Variants in KREMEN2 observed in about 807,000 individuals in gnomAD.
KREMEN2 encodes kringle containing transmembrane protein 2.
Under a neutral mutation model 49.8 loss-of-function variants are expected in KREMEN2, and 43 were observed. The observed-to-expected ratio is 0.86, with a 90% CI of 0.68 to 1.11. KREMEN2 has a LOEUF of 1.11. KREMEN2 is among the 50% of genes most tolerant of loss of function. The pLI, the probability that KREMEN2 is intolerant of heterozygous loss-of-function variation, is 0.00. For missense variants in KREMEN2, 686 were observed against 665.7 expected (o/e 1.03, Z -0.34); for synonymous variants, 355 against 304.9 (o/e 1.16, Z -1.71).
chr16:2,967,332 C>A lies in KREMEN2; in HGVS notation c.986C>A (p.Ala329Asp), dbSNP rs893993106. The change falls in exon 7 of 9, where the codon GCC (alanine) becomes GAC (aspartate). Residue 329 changes from alanine (A) to aspartate (D), a missense_variant. By Grantham distance (126) the Ala-to-Asp change is moderately radical (BLOSUM62 -2). Coordinates refer to ENST00000303746, the MANE Select transcript of KREMEN2 (RefSeq NM_172229.3). ...FALTYRGLQD[A>D]AEDPEAPEGS... The stretch of plus-strand genomic sequence containing the variant: ...CCCCTCTCCGCAGGGCTGCAGGACG[C>A]CGCTGAGGACCCAGAGGCCCCCGAG... The A allele has an allele frequency of 4.2e-5, 59 of 1,403,920 alleles. No homozygotes were observed. Among genetic ancestry groups the A allele is most frequent in the Non-Finnish European group, 5.1e-5 (56 of 1,090,420 alleles). The allele number at this position is 1,403,920 out of a possible 1,614,324, so 87.0% of individuals were successfully genotyped here.
In KREMEN2 at chr16:2,966,302, G is replaced by A. The variant is rs746808071; in HGVS notation, c.362-23G>A. The stretch of plus-strand genomic sequence containing the variant: ...GAGGAGGGTTGTTTTCGGAGTCACG[G>A]AAGTCTGACTCTGCCCCCTCAGTGC... On this transcript the variant is annotated intron_variant, in intron 3 of 8. Transcript: ENST00000303746. The surrounding 1 kb of genome is among the most constrained non-coding windows in gnomAD (Gnocchi z 8.4). The A allele has an allele frequency of 1.2e-6, 2 of 1,612,948 alleles. No homozygotes were observed. Among genetic ancestry groups the A allele is most frequent in the Admixed American group, 1.7e-5 (1 of 60,028 alleles).
Position 2,966,882 on chromosome 16 carries a change from G to T in KREMEN2, c.641-28G>T. The T allele has an allele frequency of 6.4e-7, 1 of 1,554,788 alleles. No individual in the cohort carries two copies. The highest frequency in any genetic ancestry group is 8.7e-7 in the Non-Finnish European group (1 of 1,150,088). ...GGGAGCCGCCGTGTCCTGGTCCTCA[G>T]GATGCTGACTGCCGGCCCCGCCCGC... On this transcript the variant is annotated intron_variant, in intron 5 of 8. Transcript: ENST00000303746. The surrounding 1 kb of genome is among the most constrained non-coding windows in gnomAD (Gnocchi z 8.4).
chr16:2,965,043 G>A lies in KREMEN2; in HGVS notation c.269+10G>A. 1 of 1,524,194 alleles carries A rather than the reference G, an allele frequency of 6.6e-7. No individual in the cohort carries two copies. The highest frequency in any genetic ancestry group is 8.8e-7 in the Non-Finnish European group (1 of 1,139,492). The allele number at this position is 1,524,194 out of a possible 1,614,324, so 94.4% of individuals were successfully genotyped here. A position where few individuals can be genotyped will look rare whatever the true frequency, so the allele number is the denominator to read the frequency against. ...CGCACAACTTCTGCCGGTGAGGGGC[G>A]GGGCCTGCGCTGGGGGCGAGGCTGG... On this transcript the variant is annotated intron_variant, in intron 2 of 8. Coordinates refer to ENST00000303746, the MANE Select transcript of KREMEN2 (RefSeq NM_172229.3).
At chr16:2,964,757 G>A in intron 1 of KREMEN2, 102 bp from the exon 2 acceptor site, 1 of 1,452,238 alleles carries the variant, frequency 6.9e-7, no homozygotes, top group Non-Finnish European at 9.4e-7. Context: ...GCAGGGGCGG[G>A]TGCGGGGTCG....
Position 2,966,684 on chromosome 16 carries a change from G to T in KREMEN2, c.529G>T (p.Glu177Ter). 1 of 1,611,362 alleles carries T rather than the reference G, an allele frequency of 6.2e-7. No individual in the cohort carries two copies. Among genetic ancestry groups the T allele is most frequent in the South Asian group, 1.1e-5 (1 of 91,068 alleles). Residue 177 changes from glutamate (E) to a stop codon, truncating the protein, a stop_gained, in exon 5 of 9, where the codon GAA becomes TAA. Coordinates refer to ENST00000303746, the MANE Select transcript of KREMEN2 (RefSeq NM_172229.3). LOFTEE classifies it high-confidence loss of function. The surrounding 1 kb of genome is among the most constrained non-coding windows in gnomAD (Gnocchi z 8.4). The stretch of plus-strand genomic sequence containing the variant: ...CGGTTACGCCTGCTTCTGTGGCTCT[G>T]AAAGCGACCTGGCCCGGGGACGCCT... Reference protein sequence around the residue: ...EAGYACFCGSESDLARGRLAP... With the variant: ...EAGYACFCGS
In KREMEN2 at chr16:2,965,032, C is replaced by T; in HGVS notation, c.268C>T (p.Arg90Cys). The change falls in exon 2 of 9, where the codon CGT becomes TGT. Residue 90 changes from arginine (R) to cysteine (C), a missense_variant and splice_region_variant. Physicochemically the swap from Arg to Cys is radical, Grantham distance 180. Coordinates refer to ENST00000303746, the MANE Select transcript of KREMEN2 (RefSeq NM_172229.3). ...GGGGCTGGGCGCGCACAACTTCTGC[C>T]GGTGAGGGGCGGGGCCTGCGCTGGG... is the stretch of plus-strand genomic sequence containing the variant. ...RWGLGAHNFC[R>C]NPDGDVQPWC... is the part of the protein sequence containing the mutation. 6.5e-7 allele frequency: 1 copy of T among 1,533,628 alleles called. No individual in the cohort carries two copies. Among genetic ancestry groups the T allele is most frequent in the South Asian group, 1.2e-5 (1 of 82,822 alleles).
chr16:2,964,689 A>G, intron 1 of KREMEN2, 75 bp downstream of exon 1: 1 of 1,418,114 alleles, frequency 7.1e-7, no homozygotes, highest in Non-Finnish European at 9.6e-7. Context: ...CAGGCCCCCA[A>G]GGCTAGGGAG....
At position 2,964,587 on chromosome 16, in the gene KREMEN2, G is replaced by A. The variant is rs375938689; in HGVS notation, c.67G>A (p.Ala23Thr). The change falls in exon 1 of 9, where the codon GCC becomes ACC. Residue 23 changes from alanine (A) to threonine (T), a missense_variant. By Grantham distance (58) the Ala-to-Thr change is moderately conservative. Coordinates refer to ENST00000303746, the MANE Select transcript of KREMEN2 (RefSeq NM_172229.3). ...CCTCCCGCTGCTGCAGCCGCGTGGG[G>A]CCTCGGCTGGGAGCCTGCACAGTCC... Reference protein sequence around the residue: ...LFLPLLQPRGASAGSLHSPGL... With the variant: ...LFLPLLQPRGTSAGSLHSPGL... The A allele has an allele frequency of 1.9e-6, 3 of 1,607,996 alleles. No homozygotes were observed. The highest frequency in any genetic ancestry group is 2.7e-5 in the African/African-American group (2 of 74,376).
chr16:2,966,402 C>T lies in KREMEN2; in HGVS notation c.439C>T (p.Leu147Phe). ...CGGCCCCAGCGGCACCTCCACGAAG[C>T]TCACGGTCCAGGTGTGCCTACGCTT... ...LSGPSGTSTK[L>F]TVQVCLRFCR... Residue 147 changes from leucine to phenylalanine, a missense_variant, in exon 4 of 9, where the codon CTC (leucine) becomes TTC (phenylalanine). Transcript: ENST00000303746. The surrounding 1 kb of genome is among the most constrained non-coding windows in gnomAD (Gnocchi z 8.4). The T allele has an allele frequency of 6.2e-7, 1 of 1,611,358 alleles. No individual in the cohort carries two copies. Among genetic ancestry groups the T allele is most frequent in the African/African-American group, 1.3e-5 (1 of 74,992 alleles).
chr16:2,964,607 C>G lies in KREMEN2; in HGVS notation c.87C>G (p.His29Gln), dbSNP rs575910520. The G allele has an allele frequency of 1.9e-6, 3 of 1,603,934 alleles. No individual in the cohort carries two copies. The highest frequency in any genetic ancestry group is 1.7e-5 in the Admixed American group (1 of 58,008). The change falls in exon 1 of 9, where the codon CAC becomes CAG. Residue 29 changes from histidine to glutamine, a missense_variant. By Grantham distance (24) the His-to-Gln change is conservative. Coordinates refer to ENST00000303746, the MANE Select transcript of KREMEN2 (RefSeq NM_172229.3). ...GTGGGGCCTCGGCTGGGAGCCTGCA[C>G]AGTCCAGGTAAGTCCCCGCACGGCT... ...QPRGASAGSLHSPGLSECFQV... is the reference protein window; with the variant it reads ...QPRGASAGSLQSPGLSECFQV...
chr16:2,968,122 C>T lies in KREMEN2; in HGVS notation c.*102C>T. 5.5e-6 allele frequency: 7 copies of T among 1,267,692 alleles called. No homozygotes were observed. The highest frequency in any genetic ancestry group is 6.6e-6 in the Non-Finnish European group (6 of 905,700). 78.5% of individuals were successfully genotyped at this position (1,267,692 alleles called of 1,614,324 possible). On this transcript the variant is annotated 3_prime_UTR_variant, in exon 9 of 9. Transcript: ENST00000303746. ...GCCTTGCGCCTGTGTAGGGGCAGCT[C>T]GGCCTCTGGTCGCCTTGGGGAGACC...
At position 2,967,835 on chromosome 16, in the gene KREMEN2, G is replaced by A. The variant is rs1226182792; in HGVS notation, c.1204G>A (p.Gly402Arg). ...RRSCLLAPGK[G>R]PPALGASRGP... The stretch of plus-strand genomic sequence containing the variant: ...GAGCTGTCTGCTGGCTCCGGGAAAA[G>A]GGCCCCCGGCGCTGGGGGCTTCCAG... The change falls in exon 9 of 9, where the codon GGG becomes AGG. Residue 402 changes from glycine to arginine, a missense_variant. Coordinates refer to ENST00000303746, the MANE Select transcript of KREMEN2 (RefSeq NM_172229.3). The A allele has an allele frequency of 1.9e-6, 3 of 1,550,998 alleles. No homozygotes were observed. The highest frequency in any genetic ancestry group is 2.6e-6 in the Non-Finnish European group (3 of 1,147,494).
At chr16:2,967,659 C>A (rs1224939983) in intron 8 of KREMEN2, 55 bp downstream of exon 8, 24 of 1,539,480 alleles carry the variant, frequency 1.6e-5, no homozygotes, top group Non-Finnish European at 2.1e-5. Flanking sequence ...GAGCTGGAGC[C>A]CCAGAAGGGA....
intron 1 of KREMEN2, 44 bp downstream of exon 1, chr16:2,964,658 C>G: frequency 1.3e-6 from 2 of 1,512,882 alleles, no homozygotes; most frequent in Non-Finnish European, 1.8e-6. Context: ...CCACCCCTTC[C>G]TCGGCCTCCG....
rs894916546 is a variant in KREMEN2 at position 2,967,258 on chromosome 16, G to A, written c.973+16G>A. The A allele has an allele frequency of 6.7e-6, 9 of 1,352,214 alleles. No homozygotes were observed. The highest frequency in any genetic ancestry group is 7.5e-6 in the Non-Finnish European group (8 of 1,060,706). The allele number at this position is 1,352,214 out of a possible 1,614,324, so 83.8% of individuals were successfully genotyped here. On this transcript the variant is annotated intron_variant, in intron 6 of 8. Coordinates refer to ENST00000303746, the MANE Select transcript of KREMEN2 (RefSeq NM_172229.3). ...ACCTACCGCGGTGAGCCTCAGCTCG[G>A]CGCGCCCTGCCCGCTGTTCCCACCC...
rs1039198687 is a variant in KREMEN2 at position 2,967,331 on chromosome 16, G to A, written c.985G>A (p.Ala329Thr). 1.4e-6 allele frequency: 2 copies of A among 1,398,712 alleles called. No homozygotes were observed. Among genetic ancestry groups the A allele is most frequent in the East Asian group, 3.0e-5 (1 of 33,158 alleles). 86.6% of individuals were successfully genotyped at this position (1,398,712 alleles called of 1,614,324 possible). ...FALTYRGLQDAAEDPEAPEGS... is the reference protein window; with the variant it reads ...FALTYRGLQDTAEDPEAPEGS... ...GCCCCTCTCCGCAGGGCTGCAGGAC[G>A]CCGCTGAGGACCCAGAGGCCCCCGA... The change falls in exon 7 of 9, where the codon GCC becomes ACC. Residue 329 changes from alanine to threonine, a missense_variant. Ala to Thr is a moderately conservative substitution (Grantham distance 58). Transcript: ENST00000303746.
chr16:2,968,036 G>A lies in KREMEN2; in HGVS notation c.*16G>A, dbSNP rs939519944. On this transcript the variant is annotated 3_prime_UTR_variant, in exon 9 of 9. Transcript: ENST00000303746. The stretch of plus-strand genomic sequence containing the variant: ...CGCTCTCTGACTCTGGGCCCCGAGG[G>A]TCCGCTGGGCCCGCCGCCGGCGAGA... 2 of 1,538,644 alleles carry A rather than the reference G, an allele frequency of 1.3e-6. No individual in the cohort carries two copies. The highest frequency in any genetic ancestry group is 1.7e-6 in the Non-Finnish European group (2 of 1,147,722).
At position 2,966,789 on chromosome 16, in the gene KREMEN2, T is replaced by G; in HGVS notation, c.634T>G (p.Tyr212Asp). ...LCGGDGRLGV[Y>D]EVSVGSCQGN... ...TGGCGGCGATGGGCGGCTGGGCGTCTATGAAGGTGAGGAGTGGGCGGGGAC... is the reference window on the plus strand; with the variant it reads ...TGGCGGCGATGGGCGGCTGGGCGTCGATGAAGGTGAGGAGTGGGCGGGGAC... The change falls in exon 5 of 9, where the codon TAT becomes GAT. Residue 212 changes from tyrosine (Y) to aspartate (D), a missense_variant. Tyr to Asp is a radical substitution (Grantham distance 160). Coordinates refer to ENST00000303746, the MANE Select transcript of KREMEN2 (RefSeq NM_172229.3). The surrounding 1 kb of genome is among the most constrained non-coding windows in gnomAD (Gnocchi z 8.4). 6.2e-7 allele frequency: 1 copy of G among 1,604,620 alleles called. No individual in the cohort carries two copies. The highest frequency in any genetic ancestry group is 8.5e-7 in the Non-Finnish European group (1 of 1,174,120).
chr16:2,967,578 G>A lies in KREMEN2; in HGVS notation c.1152G>A (p.Leu384=). Residue 384 remains leucine, a synonymous_variant, in exon 8 of 9, where the codon CTG becomes CTA. Transcript: ENST00000303746. ...TCTCGGTGCTGCTGCTGCTGCTCCT[G>A]GGGCTGCTGCGTCCGCTGCGCCGAC... ...TAVSVLLLLL[L]GLLRPLRRRS... is the part of the protein sequence containing the mutation. 6.5e-7 allele frequency: 1 copy of A among 1,529,214 alleles called. No individual in the cohort carries two copies. The highest frequency in any genetic ancestry group is 8.7e-7 in the Non-Finnish European group (1 of 1,143,996). The allele number at this position is 1,529,214 out of a possible 1,614,324, so 94.7% of individuals were successfully genotyped here.
Sources: gnomAD v4.1 joint callset for allele counts on GRCh38, gnomAD v4.1.1 for gene constraint, Gnocchi (gnomAD v3.1) non-coding constraint, MANE v1.5 for transcripts, NCBI Gene and HGNC (gene_info 2026-07-23, HGNC 2026-07-21) for gene names.